Variants in ENPP2 observed in about 807,000 individuals in gnomAD.
The protein encoded by ENPP2 is autotaxin.
Under a neutral mutation model 120.2 loss-of-function variants are expected in ENPP2, and 51 were observed. The ratio of observed to expected loss-of-function variants is 0.42; its 90% CI spans 0.34 to 0.54. The LOEUF (loss-of-function observed/expected upper bound fraction) is 0.54, where lower values mean the gene tolerates loss of function less well. Among genes scored for constraint, ENPP2 ranks in the 20% least tolerant of loss-of-function variants. The pLI is 0.04. For missense variants in ENPP2, 920 were observed against 1,066.5 expected (o/e 0.86, Z 1.91); for synonymous variants, 365 against 366.4 (o/e 1.00, Z 0.04).
intron 3 of ENPP2, among the ~76,000 whole-genome samples, chr8:119,624,457 T>C (rs1430626283): frequency 6.6e-6 from 1 of 152,172 alleles, no homozygotes; most frequent in African/African-American, 2.4e-5. Context: ...TTCAGAAGTA[T>C]AATTTAGTAA....
At chr8:119,663,770 C>T (rs1817992381) in intron 1 of ENPP2, among the ~76,000 whole-genome samples, 1 of 152,108 alleles carries the variant, frequency 6.6e-6, no homozygotes, top group African/African-American at 2.4e-5. Flanking sequence ...CTTAGGTCAC[C>T]CAAGGGAAAA....
chr8:119,662,601 C>T (rs1157647406), intron 1 of ENPP2, among the ~76,000 whole-genome samples: 2 of 152,136 alleles, frequency 1.3e-5, no homozygotes, highest in Admixed American at 1.3e-4. Flanking sequence ...TCTAATAGGG[C>T]CCTTTCCTAA....
chr8:119,593,932 A>G (rs1245981964), intron 11 of ENPP2, 72 bp from the exon 12 acceptor site: 1 of 860,458 alleles, frequency 1.2e-6, no homozygotes, highest in Admixed American at 1.9e-5. Flanking sequence ...TAGATCTTCT[A>G]CCCCTAGAAC....
At chr8:119,655,087 C>T (rs1178051692) in intron 1 of ENPP2, among the ~76,000 whole-genome samples, 2 of 152,054 alleles carry the variant, frequency 1.3e-5, no homozygotes, top group Non-Finnish European at 2.9e-5. Flanking sequence ...TTAATGTATG[C>T]CAAATACACA....
chr8:119,572,639 G>A (rs889651914), intron 19 of ENPP2: 6 of 167,938 alleles, frequency 3.6e-5, no homozygotes, highest in Admixed American at 5.8e-5. Context: ...TCCAGTCTTC[G>A]CCAAGTCTGT....
chr8:119,566,349 G>A (rs970753075), intron 22 of ENPP2, among the ~76,000 whole-genome samples: 1 of 152,160 alleles, frequency 6.6e-6, no homozygotes, highest in African/African-American at 2.4e-5. Context: ...ATGCGGTTCT[G>A]GCTGTTAACC....
chr8:119,574,005 G>T (rs1812159760), intron 19 of ENPP2, among the ~76,000 whole-genome samples: 1 of 151,922 alleles, frequency 6.6e-6, no homozygotes, highest in African/African-American at 2.4e-5. Flanking sequence ...TCCAACCAAG[G>T]TCCCCAATGA....
chr8:119,618,208 CT>C, intron 5 of ENPP2: 1 of 432,434 alleles, frequency 2.3e-6, no homozygotes, highest in Non-Finnish European at 4.6e-6. Context: ...CCCTTTCTGC[CT>C]TGTTCTTCAT....
At chr8:119,656,643 T>C (rs1817772911) in intron 1 of ENPP2, among the ~76,000 whole-genome samples, 1 of 152,132 alleles carries the variant, frequency 6.6e-6, no homozygotes, top group South Asian at 2.1e-4. Flanking sequence ...AGCTTACATT[T>C]TATTGGATGG....
intron 2 of ENPP2, among the ~76,000 whole-genome samples, chr8:119,634,898 T>G (rs1199848788): frequency 5.3e-5 from 8 of 152,178 alleles, no homozygotes; most frequent in Admixed American, 3.3e-4. Flanking sequence ...CAGCCCCATT[T>G]AACAAAGAAC....
At chr8:119,647,787 C>T (rs1294679341) in intron 1 of ENPP2, among the ~76,000 whole-genome samples, 1 of 152,022 alleles carries the variant, frequency 6.6e-6, no homozygotes, top group African/African-American at 2.4e-5. Flanking sequence ...GGTGGATTAC[C>T]TGAGGTCAGG....
intron 1 of ENPP2, among the ~76,000 whole-genome samples, chr8:119,648,649 A>G (rs565340271): frequency 6.6e-6 from 1 of 152,346 alleles, no homozygotes; most frequent in Admixed American, 6.5e-5. Context: ...AGGAAGCAAA[A>G]CTGCCATTTC....
chr8:119,568,275 G>T, intron 21 of ENPP2, 23 bp from the exon 22 acceptor site: 12 of 1,304,466 alleles, frequency 9.2e-6, no homozygotes, highest in Non-Finnish European at 1.3e-5. Flanking sequence ...AAAACAAATA[G>T]TATACGTTGC....
At chr8:119,581,636 G>T (rs1027805105) in intron 18 of ENPP2, among the ~76,000 whole-genome samples, 8 of 151,934 alleles carry the variant, frequency 5.3e-5, no homozygotes, top group African/African-American at 1.5e-4. Flanking sequence ...ACCTTAGAAG[G>T]TACTATGCGA....
chr8:119,568,748 G>A (rs1432855508), intron 21 of ENPP2, among the ~76,000 whole-genome samples: 3 of 152,090 alleles, frequency 2.0e-5, no homozygotes, highest in Non-Finnish European at 2.9e-5. Flanking sequence ...CTACTGGCGT[G>A]TGCCACCAGC....
chr8:119,667,072 A>C (rs1011498188), intron 1 of ENPP2, among the ~76,000 whole-genome samples: 1 of 152,126 alleles, frequency 6.6e-6, no homozygotes, highest in Non-Finnish European at 1.5e-5. Context: ...AGACCCCTTC[A>C]AGCATGAAAA....
intron 2 of ENPP2, among the ~76,000 whole-genome samples, chr8:119,629,506 G>T (rs1404920809): frequency 6.6e-6 from 1 of 152,060 alleles, no homozygotes; most frequent in East Asian, 1.9e-4. Flanking sequence ...CTTTGTCCTC[G>T]TTAAAGTCTT....
rs564685067 is a variant in ENPP2 at position 119,602,303 on chromosome 8, C to T, written c.834-841G>A. Among the ~76,000 whole-genome samples the T allele has an allele frequency of 9.7e-4, 148 of 151,972 alleles. 3 individuals are homozygous for T. The highest frequency in any genetic ancestry group is 8.6e-3 in the Admixed American group (132 of 15,266). ...CAAAACCCCGTCACTACTAAAAATA[C>T]AAAATTAGCCAGGCATGGTGGCACA... is the stretch of plus-strand genomic sequence containing the variant. On this transcript the variant is annotated intron_variant, in intron 9 of 24. Transcript: ENST00000075322.
At chr8:119,566,986 G>GT (rs1814505615) in intron 22 of ENPP2, among the ~76,000 whole-genome samples, 1 of 151,956 alleles carries the variant, frequency 6.6e-6, no homozygotes, top group African/African-American at 2.4e-5. Context: ...TCTCTAAACC[G>GT]TGTGGCCCTT....
Sources: gnomAD v4.1 joint callset for allele counts (sites outside exome capture counted in the v4.1 genomes callset) on GRCh38, gnomAD v4.1.1 for gene constraint, MANE v1.5 for transcripts, NCBI Gene and HGNC (gene_info 2026-07-23, HGNC 2026-07-21) for gene names.